Variants in AKAP6 observed in about 807,000 individuals in gnomAD.
AKAP6 encodes A-kinase anchor protein 6.
AKAP6 carries 58 observed loss-of-function variants against 188.5 expected under a neutral mutation model. The observed-to-expected ratio is 0.31, with a 90% confidence interval of 0.25 to 0.38. AKAP6 has a LOEUF of 0.38. Among genes scored for constraint, AKAP6 ranks in the 10% least tolerant of loss-of-function variants. The pLI, the probability that AKAP6 is intolerant of heterozygous loss-of-function variation, is 1.00. For synonymous variants in AKAP6, 989 were observed against 998.6 expected (o/e 0.99, Z 0.18); for missense variants, 2,710 against 2,740.0 (o/e 0.99, Z 0.24).
chr14:32,439,204 C>T (rs1890486425), intron 2 of AKAP6, among the ~76,000 whole-genome samples: 1 of 152,194 alleles, frequency 6.6e-6, no homozygotes, highest in African/African-American at 2.4e-5. Context: ...GAAGTTAATG[C>T]ACATACCCAG....
rs368489978 is a variant in AKAP6, at chr14:32,780,146, GA to G, written c.3588+6263del. On this transcript the variant is annotated intron_variant, in intron 12 of 13. Transcript: ENST00000280979. ...CATTAGATGAATGGAAAAAGAAATT[GA>G]AAAAAAAAACATATATATATATATG... is the stretch of plus-strand genomic sequence containing the variant. Among the ~76,000 whole-genome samples, 128 of 107,536 alleles carry G rather than the reference GA, an allele frequency of 1.2e-3. 4 individuals carry two copies. Among genetic ancestry groups the G allele is most frequent in the African/African-American group, 4.7e-3 (108 of 23,164 alleles). 70.5% of individuals were successfully genotyped at this position (107,536 alleles called of 152,430 possible).
chr14:32,363,331 G>T (rs1887725276), intron 1 of AKAP6, among the ~76,000 whole-genome samples: 1 of 152,164 alleles, frequency 6.6e-6, no homozygotes, highest in Non-Finnish European at 1.5e-5. Context: ...TAGAGGGATA[G>T]TTCAAATAGG....
chr14:32,460,967 G>A (rs539575063), intron 2 of AKAP6, among the ~76,000 whole-genome samples: 40 of 152,306 alleles, frequency 2.6e-4, no homozygotes, highest in Middle Eastern at 3.4e-3. Flanking sequence ...TGGACTGGGC[G>A]GAACTCACCA....
intron 2 of AKAP6, among the ~76,000 whole-genome samples, chr14:32,435,443 A>G (rs1393084839): frequency 3.9e-5 from 6 of 152,254 alleles, no homozygotes; most frequent in Non-Finnish European, 7.3e-5. Context: ...ATAAGAATGT[A>G]AAGTTTTTGT....
chr14:32,524,329 G>T (rs1049419921), intron 2 of AKAP6, among the ~76,000 whole-genome samples: 19 of 152,312 alleles, frequency 1.2e-4, no homozygotes, highest in African/African-American at 4.1e-4. Context: ...GGCGGAAGCA[G>T]TTCTGGGGTG....
At chr14:32,690,589 G>T (rs1211035376) in intron 8 of AKAP6, among the ~76,000 whole-genome samples, 1 of 152,068 alleles carries the variant, frequency 6.6e-6, no homozygotes, top group African/African-American at 2.4e-5. Flanking sequence ...AAAGTAAAAT[G>T]GTGGGTAAGA....
chr14:32,425,885 C>G (rs920461216), intron 1 of AKAP6, among the ~76,000 whole-genome samples: 2 of 152,242 alleles, frequency 1.3e-5, no homozygotes, highest in Admixed American at 6.5e-5. Flanking sequence ...GCTATTGTTG[C>G]AATTGCTTTT....
chr14:32,774,108 A>G (rs1310081419), intron 12 of AKAP6: 1 of 569,578 alleles, frequency 1.8e-6, no homozygotes, highest in Non-Finnish European at 3.1e-6. Context: ...CATAACACTG[A>G]CATTTATTTG....
chr14:32,603,299 T>G (rs892125576), intron 7 of AKAP6, among the ~76,000 whole-genome samples: 1 of 152,078 alleles, frequency 6.6e-6, no homozygotes, highest in Non-Finnish European at 1.5e-5. Context: ...GGTGGGAGTA[T>G]GCCGAAGTGG....
intron 7 of AKAP6, among the ~76,000 whole-genome samples, chr14:32,635,856 A>T (rs1466397450): frequency 6.6e-6 from 1 of 152,114 alleles, no homozygotes; most frequent in Non-Finnish European, 1.5e-5. Flanking sequence ...AGAAGAGAAG[A>T]TTACTTCAAA....
rs1487315280 is a variant in AKAP6, at chr14:32,368,455, G to C, written c.-35+39047G>C. 2.2e-4 allele frequency among the ~76,000 whole-genome samples: 34 copies of C among 152,130 alleles called. 2 individuals are homozygous for C. The highest frequency in any genetic ancestry group is 2.2e-3 in the Admixed American group (33 of 15,268). On this transcript the variant is annotated intron_variant, in intron 1 of 13. Coordinates refer to ENST00000280979, the MANE Select transcript of AKAP6 (RefSeq NM_004274.5). ...TGAGTATTAGTCTAGGAGAAGTGCA[G>C]AGTGATGTGGGCATACACAGTGCGA...
chr14:32,471,705 A>T (rs1441040251), intron 2 of AKAP6, among the ~76,000 whole-genome samples: 1 of 152,196 alleles, frequency 6.6e-6, no homozygotes, highest in Admixed American at 6.5e-5. Flanking sequence ...GTTATTGTTC[A>T]TTGAGACATG....
chr14:32,784,144 C>CT (rs2033334199), intron 12 of AKAP6, among the ~76,000 whole-genome samples: 2 of 152,168 alleles, frequency 1.3e-5, no homozygotes, highest in Non-Finnish European at 2.9e-5. Context: ...TAAGCAAGCA[C>CT]TTTCTGTTTC....
At chr14:32,419,707 G>A (rs17408295) in intron 1 of AKAP6, among the ~76,000 whole-genome samples, 7,661 of 152,124 alleles carry the variant, frequency 0.05, 240 homozygotes, top group East Asian at 0.083. Flanking sequence ...GTTCTTTCTT[G>A]AAGGGATTGA....
At chr14:32,801,622 G>A (rs911552263) in intron 12 of AKAP6, among the ~76,000 whole-genome samples, 1 of 152,052 alleles carries the variant, frequency 6.6e-6, no homozygotes, top group African/African-American at 2.4e-5. Flanking sequence ...TGTCAATCCA[G>A]GTTTCTTACC....
intron 1 of AKAP6, among the ~76,000 whole-genome samples, chr14:32,376,859 A>G (rs8022043): frequency 0.96 from 145,377 of 152,194 alleles, 69,493 homozygotes; most frequent in East Asian, 1. Context: ...ATCATGACTG[A>G]CAAATTTTTG....
intron 11 of AKAP6, among the ~76,000 whole-genome samples, chr14:32,772,370 C>A (rs898073187): frequency 6.6e-6 from 1 of 152,056 alleles, no homozygotes; most frequent in African/African-American, 2.4e-5. Flanking sequence ...GAAACTGCTG[C>A]GCTGGTATAA....
chr14:32,823,487 G>A lies in AKAP6; in HGVS notation c.5674G>A (p.Ala1892Thr). Residue 1892 changes from alanine (A) to threonine (T), a missense_variant, in exon 13 of 14, where the codon GCT (alanine) becomes ACT (threonine). This residue lies in a region of AKAP6 where 2,473 missense variants were observed against 2,426.1 expected (regional missense o/e 1.02). Coordinates refer to ENST00000280979, the MANE Select transcript of AKAP6 (RefSeq NM_004274.5). ...CAAAGTTAATAAAGATCCATATGTGGCTGACATGGAAAATGGCAATATTGA... is the reference window on the plus strand; with the variant it reads ...CAAAGTTAATAAAGATCCATATGTGACTGACATGGAAAATGGCAATATTGA... ...IFKVNKDPYV[A>T]DMENGNIEGI... 1 of 1,613,744 alleles carries A rather than the reference G, an allele frequency of 6.2e-7. No homozygotes were observed.
In AKAP6 at chr14:32,830,636, A is replaced by T. The variant is rs1015079565; in HGVS notation, c.*831A>T. The T allele has an allele frequency of 1.0e-4, 16 of 152,676 alleles. No homozygotes were observed. The highest frequency in any genetic ancestry group is 3.9e-4 in the African/African-American group (16 of 41,472). 9.5% of individuals were successfully genotyped at this position (152,676 alleles called of 1,614,324 possible). ...GAAAGGAGGAAATAGCAAGGTTAAGATGTGTGAATAATTTCTGTATATATG... is the reference window on the plus strand; with the variant it reads ...GAAAGGAGGAAATAGCAAGGTTAAGTTGTGTGAATAATTTCTGTATATATG... On this transcript the variant is annotated 3_prime_UTR_variant, in exon 14 of 14. Coordinates refer to ENST00000280979, the MANE Select transcript of AKAP6 (RefSeq NM_004274.5).
Sources: gnomAD v4.1 joint callset for allele counts (sites outside exome capture counted in the v4.1 genomes callset) on GRCh38, gnomAD v4.1.1 for gene constraint, gnomAD v4.1.1 regional missense constraint, MANE v1.5 for transcripts, NCBI Gene and HGNC (gene_info 2026-07-23, HGNC 2026-07-21) for gene names.